WWOX: variants seen among roughly 807,000 people sequenced by gnomAD.
WWOX encodes WW domain containing oxidoreductase, also known as WW domain-containing oxidoreductase.
Under a neutral mutation model 46.2 loss-of-function variants are expected in WWOX, and 69 were observed. That is an observed-to-expected ratio of 1.49 (90% CI 1.23 to 1.82). WWOX has a LOEUF of 1.82. WWOX is among the 40% of genes most tolerant of loss of function. The pLI, the probability that WWOX is intolerant of heterozygous loss-of-function variation, is 0.00. For missense variants in WWOX, 919 were observed against 542.6 expected (o/e 1.69, Z -6.89); for synonymous variants, 359 against 202.6 (o/e 1.77, Z -6.56).
rs115773529 is a variant in WWOX at position 78,987,868 on chromosome 16, C to T, written c.1057-223740C>T. The stretch of plus-strand genomic sequence containing the variant: ...TTAAACAGTGAATCAGCCCTGTGGG[C>T]TTTGCTGCTTACAACATGATTCCGG... On this transcript the variant is annotated intron_variant, in intron 8 of 8. Transcript: ENST00000566780. Among the ~76,000 whole-genome samples the T allele has an allele frequency of 6.6e-3, 1,001 of 152,254 alleles. 15 individuals carry two copies. The highest frequency in any genetic ancestry group is 0.023 in the African/African-American group (945 of 41,546).
chr16:78,317,931 C>T (rs1455159168), intron 5 of WWOX, among the ~76,000 whole-genome samples: 2 of 152,098 alleles, frequency 1.3e-5, no homozygotes, highest in Non-Finnish European at 2.9e-5. Flanking sequence ...ACTGGCTTTG[C>T]GAATTTCTTT....
intron 5 of WWOX, among the ~76,000 whole-genome samples, chr16:78,318,026 G>A (rs535658695): frequency 4.1e-4 from 63 of 152,238 alleles, no homozygotes; most frequent in African/African-American, 1.5e-3. Context: ...ACCGCTGCCT[G>A]CTTCTACCCT....
rs116850749 is a variant in WWOX at position 78,979,193 on chromosome 16, C to G, written c.1057-232415C>G. On this transcript the variant is annotated intron_variant, in intron 8 of 8. Coordinates refer to ENST00000566780, the MANE Select transcript of WWOX (RefSeq NM_016373.4). ...TACATGCATGTGGCTTCCCCCGTTA[C>G]AAAAAGAATTCACATTATTAGAGAA... is the stretch of plus-strand genomic sequence containing the variant. 3.5e-3 allele frequency among the ~76,000 whole-genome samples: 534 copies of G among 151,462 alleles called. 2 individuals carry two copies. Among genetic ancestry groups the G allele is most frequent in the Non-Finnish European group, 4.9e-3 (331 of 67,970 alleles).
At chr16:78,549,240 C>T (rs1439049398) in intron 8 of WWOX, among the ~76,000 whole-genome samples, 1 of 152,148 alleles carries the variant, frequency 6.6e-6, no homozygotes, top group Non-Finnish European at 1.5e-5. Flanking sequence ...AATAGCTTTC[C>T]TGCCAGCCAC....
rs571384221 is a variant in WWOX, at chr16:78,909,398, T to C, written c.1057-302210T>C. On this transcript the variant is annotated intron_variant, in intron 8 of 8. Coordinates refer to ENST00000566780, the MANE Select transcript of WWOX (RefSeq NM_016373.4). The stretch of plus-strand genomic sequence containing the variant: ...TCAGCTGTTAAGATTGTTATTAAAC[T>C]TTATGGACCATAAACCCCACAGAAA... 5.3e-5 allele frequency among the ~76,000 whole-genome samples: 8 copies of C among 152,310 alleles called. No individual in the cohort carries two copies. The South Asian group carries it at 1.7e-3, about 32-fold the overall frequency.
At chr16:78,188,470 A>G (rs572903849) in intron 5 of WWOX, among the ~76,000 whole-genome samples, 1 of 147,298 alleles carries the variant, frequency 6.8e-6, no homozygotes, top group Non-Finnish European at 1.5e-5. Flanking sequence ...CCTGGGTGAC[A>G]GAGCGAGACT....
intron 5 of WWOX, among the ~76,000 whole-genome samples, chr16:78,368,986 C>T (rs1036115901): frequency 2.0e-5 from 3 of 152,124 alleles, no homozygotes; most frequent in South Asian, 4.2e-4. Context: ...ATTTCTCAGT[C>T]TCCCCATCTC....
At chr16:78,335,194 A>T (rs985763679) in intron 5 of WWOX, among the ~76,000 whole-genome samples, 3 of 152,194 alleles carry the variant, frequency 2.0e-5, no homozygotes, top group Admixed American at 1.3e-4. Context: ...ATAGGTAATC[A>T]TCTGCCACGG....
intron 8 of WWOX, among the ~76,000 whole-genome samples, chr16:79,210,087 A>C (rs1003808950): frequency 6.6e-6 from 1 of 152,156 alleles, no homozygotes; most frequent in African/African-American, 2.4e-5. Flanking sequence ...CAGTATCATC[A>C]AGCAGCCAGT....
intron 8 of WWOX, among the ~76,000 whole-genome samples, chr16:79,200,092 A>G (rs1227643914): frequency 4.6e-5 from 7 of 152,154 alleles, no homozygotes; most frequent in Non-Finnish European, 1.0e-4. Context: ...CCTCCTTTGC[A>G]CGAAGAGCAA....
intron 8 of WWOX, among the ~76,000 whole-genome samples, chr16:78,654,362 C>T (rs2047034344): frequency 6.6e-6 from 1 of 152,170 alleles, no homozygotes; most frequent in Non-Finnish European, 1.5e-5. Flanking sequence ...CATCGTGTTC[C>T]TTCACACCAG....
At chr16:78,151,076 T>G (rs538898000) in intron 4 of WWOX, among the ~76,000 whole-genome samples, 1 of 149,612 alleles carries the variant, frequency 6.7e-6, no homozygotes, top group Admixed American at 6.7e-5. Context: ...GGGATCTCAC[T>G]GTGTTGTCCA....
intron 8 of WWOX, among the ~76,000 whole-genome samples, chr16:78,915,788 G>C (rs1003781325): frequency 6.6e-6 from 1 of 152,080 alleles, no homozygotes; most frequent in Admixed American, 6.6e-5. Context: ...ACTTGGTATC[G>C]TTCACATGTG....
rs1555524549 is a variant in WWOX, at chr16:78,728,055, C to CTTCCTTT, written c.1056+295305_1056+295306insCCTTTTT. On this transcript the variant is annotated intron_variant, in intron 8 of 8. Transcript: ENST00000566780. ...TTCCTCTTTCCTCTCTCCCTCCTTCCTTTTTTTTTTTTTTTTTTTTTTTTT... is the reference window on the plus strand; with the variant it reads ...TTCCTCTTTCCTCTCTCCCTCCTTCCTTCCTTTTTTTTTTTTTTTTTTTTTTTTTTTT... 7.1e-4 allele frequency among the ~76,000 whole-genome samples: 62 copies of CTTCCTTT among 86,788 alleles called. 1 individual carries two copies. The highest frequency in any genetic ancestry group is 1.7e-3 in the African/African-American group (29 of 16,968). 56.9% of individuals were successfully genotyped at this position (86,788 alleles called of 152,430 possible).
chr16:79,017,711 T>C (rs1300368377), intron 8 of WWOX, among the ~76,000 whole-genome samples: 3 of 152,144 alleles, frequency 2.0e-5, no homozygotes, highest in South Asian at 2.1e-4. Context: ...TTTTGATTTT[T>C]TTTTTCATAA....
chr16:78,995,277 G>A (rs77805902), intron 8 of WWOX, among the ~76,000 whole-genome samples: 1 of 152,162 alleles, frequency 6.6e-6, no homozygotes, highest in South Asian at 2.1e-4. Context: ...GGTGAACAGA[G>A]GCATCTGGAT....
chr16:78,289,847 T>C (rs903622403), intron 5 of WWOX, among the ~76,000 whole-genome samples: 2 of 149,578 alleles, frequency 1.3e-5, no homozygotes, highest in Non-Finnish European at 3.0e-5. Flanking sequence ...GGTGTTTTTG[T>C]AAAGGTTTTA....
chr16:78,278,015 G>T (rs2079610691), intron 5 of WWOX, among the ~76,000 whole-genome samples: 1 of 152,112 alleles, frequency 6.6e-6, no homozygotes, highest in African/African-American at 2.4e-5. Context: ...TTGATGATGG[G>T]GTGTGAACGG....
chr16:78,802,473 TG>T (rs996776210), intron 8 of WWOX, among the ~76,000 whole-genome samples: 3 of 152,150 alleles, frequency 2.0e-5, no homozygotes, highest in Non-Finnish European at 1.5e-5. Context: ...TATATTAATC[TG>T]GAATTTTATG....
Sources: allele counts gnomAD v4.1 joint callset (sites outside exome capture counted in the v4.1 genomes callset), GRCh38; gene constraint gnomAD v4.1.1; transcripts MANE v1.5; gene names NCBI Gene and HGNC (gene_info 2026-07-23, HGNC 2026-07-21).